Variants in HTR2C observed in about 807,000 individuals in gnomAD.
The protein encoded by HTR2C is 5-hydroxytryptamine receptor 2C.
In HTR2C, 5 loss-of-function variants were observed where a neutral mutation model predicts 21.0. The ratio of observed to expected loss-of-function variants is 0.24; its 90% confidence interval spans 0.12 to 0.50. The LOEUF (loss-of-function observed/expected upper bound fraction) is 0.50. HTR2C is among the 20% of genes least tolerant of loss of function. The pLI is 0.98. For synonymous variants in HTR2C, 150 were observed against 145.3 expected (o/e 1.03, Z -0.23); for missense variants, 271 against 371.2 (o/e 0.73, Z 2.22).
chrX:114,808,745 G>A (rs782517769), intron 4 of HTR2C, among the ~76,000 whole-genome samples: 7 of 111,650 alleles, frequency 6.3e-5, no homozygotes, highest in Admixed American at 9.6e-5. Context: ...TTGTATGACT[G>A]TTTGCCATTC....
At chrX:114,590,380 A>C (rs781834847) in intron 1 of HTR2C, among the ~76,000 whole-genome samples, 2 of 112,263 alleles carry the variant, frequency 1.8e-5, no homozygotes, top group Admixed American at 9.5e-5. Flanking sequence ...GGAGAAGTCC[A>C]GTACTGTGGT....
Position 114,909,678 on chromosome X carries a change from C to T in HTR2C, c.*2263C>T, listed in dbSNP as rs1020924883. On this transcript the variant is annotated 3_prime_UTR_variant, in exon 6 of 6. Transcript: ENST00000276198. The stretch of plus-strand genomic sequence containing the variant: ...AGTAGTAGTACTTAATAGTACCCAA[C>T]CTGGTAATTATCCTCAAGTTGTGTG... The T allele has an allele frequency of 8.9e-6, 1 of 112,417 alleles. No homozygotes were observed. The highest frequency in any genetic ancestry group is 1.9e-5 in the Non-Finnish European group (1 of 53,200). The allele number at this position is 112,417 out of a possible 1,213,427, so 9.3% of individuals were successfully genotyped here.
chrX:114,726,104 C>G (rs1378383753), intron 2 of HTR2C, among the ~76,000 whole-genome samples: 3 of 112,230 alleles, frequency 2.7e-5, no homozygotes, highest in African/African-American at 9.7e-5. Context: ...GCGGGCGCCC[C>G]TCCCCCAGCC....
chrX:114,626,633 G>A (rs1489999150), intron 2 of HTR2C, among the ~76,000 whole-genome samples: 2 of 111,796 alleles, frequency 1.8e-5, no homozygotes, highest in Non-Finnish European at 3.8e-5. Context: ...AACCTTTTAG[G>A]AAAAGTTGAC....
At chrX:114,739,704 G>A (rs191048399) in intron 4 of HTR2C, among the ~76,000 whole-genome samples, 19 of 111,770 alleles carry the variant, frequency 1.7e-4, no homozygotes, top group African/African-American at 5.5e-4. Flanking sequence ...ATATTGCAAA[G>A]GGCTAATATC....
chrX:114,885,712 T>C (rs782277204), intron 5 of HTR2C, among the ~76,000 whole-genome samples: 1 of 111,712 alleles, frequency 9.0e-6, no homozygotes, highest in South Asian at 3.7e-4. Context: ...TTACTGTCAA[T>C]TGAACACCAA....
At chrX:114,592,609 C>T (rs1332183617) in intron 1 of HTR2C, among the ~76,000 whole-genome samples, 1 of 112,069 alleles carries the variant, frequency 8.9e-6, no homozygotes, top group African/African-American at 3.2e-5. Flanking sequence ...GTCCTTCCTA[C>T]CTTGGATTCA....
At chrX:114,743,702 T>G (rs994931766) in intron 4 of HTR2C, among the ~76,000 whole-genome samples, 1 of 111,051 alleles carries the variant, frequency 9.0e-6, no homozygotes, top group Non-Finnish European at 1.9e-5. Flanking sequence ...GAAAGAAAAT[T>G]TGAACAAAAA....
intron 5 of HTR2C, among the ~76,000 whole-genome samples, chrX:114,872,011 C>CCTA (rs111489860): frequency 9.4e-6 from 1 of 106,644 alleles, no homozygotes; most frequent in Admixed American, 1.0e-4. Flanking sequence ...CTTTTTTTTC[C>CCTA]TTAACTTTTA....
At chrX:114,696,508 G>C (rs1932280616) in intron 2 of HTR2C, among the ~76,000 whole-genome samples, 1 of 111,389 alleles carries the variant, frequency 9.0e-6, no homozygotes, top group African/African-American at 3.3e-5. Flanking sequence ...TTTGAGTGTA[G>C]AAAATAAGAT....
At chrX:114,691,026 A>G (rs1932091786) in intron 2 of HTR2C, among the ~76,000 whole-genome samples, 1 of 111,161 alleles carries the variant, frequency 9.0e-6, no homozygotes, top group African/African-American at 3.3e-5. Flanking sequence ...ATCATTCTCA[A>G]TCCTTATAAA....
intron 4 of HTR2C, among the ~76,000 whole-genome samples, chrX:114,740,891 A>T (rs782141702): frequency 2.7e-5 from 3 of 111,484 alleles, no homozygotes; most frequent in African/African-American, 9.8e-5. Context: ...AGATTGTATA[A>T]GTGTGTAGGT....
chrX:114,587,953 C>T (rs150440794), intron 1 of HTR2C, among the ~76,000 whole-genome samples: 117 of 112,320 alleles, frequency 1.0e-3, no homozygotes, highest in African/African-American at 3.7e-3. Context: ...TTTTAATGCA[C>T]AAACGACATA....
chrX:114,781,401 T>A (rs1193745087), intron 4 of HTR2C, among the ~76,000 whole-genome samples: 1 of 110,835 alleles, frequency 9.0e-6, no homozygotes, highest in Admixed American at 9.6e-5. Context: ...GAGGCTGAAG[T>A]GGGAGGATCC....
In HTR2C at chrX:114,692,029, C is replaced by A. The variant is rs181181626; in HGVS notation, c.-79-34829C>A. On this transcript the variant is annotated intron_variant, in intron 2 of 5. Coordinates refer to ENST00000276198, the MANE Select transcript of HTR2C (RefSeq NM_000868.4). ...TCATTTTCATAGAGAAAGTATTCCT[C>A]TCAGGAGAAGTGACTATCAATTTTT... Among the ~76,000 whole-genome samples the A allele has an allele frequency of 4.3e-3, 477 of 111,602 alleles. 2 individuals are homozygous for A. Among genetic ancestry groups the A allele is most frequent in the African/African-American group, 0.014 (444 of 30,845 alleles).
At chrX:114,749,146 C>A (rs2069733937) in intron 4 of HTR2C, among the ~76,000 whole-genome samples, 1 of 108,457 alleles carries the variant, frequency 9.2e-6, no homozygotes, top group African/African-American at 3.3e-5. Flanking sequence ...CCACACAAAA[C>A]AACAACAACA....
At chrX:114,790,739 A>G (rs1284549319) in intron 4 of HTR2C, among the ~76,000 whole-genome samples, 2 of 112,194 alleles carry the variant, frequency 1.8e-5, no homozygotes, top group Non-Finnish European at 3.8e-5. Context: ...CCAACAATAT[A>G]TTAAATAGAT....
At chrX:114,905,655 G>A (rs987629550) in intron 5 of HTR2C, among the ~76,000 whole-genome samples, 1 of 111,741 alleles carries the variant, frequency 8.9e-6, no homozygotes, top group Non-Finnish European at 1.9e-5. Context: ...TCGACTTCCT[G>A]TGGACACAAG....
At chrX:114,773,088 G>C (rs1203593018) in intron 4 of HTR2C, among the ~76,000 whole-genome samples, 1 of 111,487 alleles carries the variant, frequency 9.0e-6, no homozygotes, top group Non-Finnish European at 1.9e-5. Flanking sequence ...TTCTTAAGCA[G>C]GTATATGCAA....
Sources: allele counts gnomAD v4.1 joint callset (sites outside exome capture counted in the v4.1 genomes callset), GRCh38; gene constraint gnomAD v4.1.1; transcripts MANE v1.5; gene names NCBI Gene and HGNC (gene_info 2026-07-23, HGNC 2026-07-21).